Variants in FNDC3A observed in about 807,000 individuals in gnomAD.
FNDC3A encodes fibronectin type III domain containing 3A, also known as fibronectin type-III domain-containing protein 3A.
A neutral mutation model predicts 148.9 loss-of-function variants in FNDC3A; 32 were observed. That is an observed-to-expected ratio of 0.21 (90% CI 0.16 to 0.29). The LOEUF (loss-of-function observed/expected upper bound fraction) is 0.29. FNDC3A is among the 10% of genes least tolerant of loss of function. The pLI is 1.00. For synonymous variants in FNDC3A, 472 were observed against 473.6 expected (o/e 1.00, Z 0.04); for missense variants, 1,191 against 1,452.8 (o/e 0.82, Z 2.93).
At chr13:49,172,439 T>G (rs1418798578) in intron 11 of FNDC3A, among the ~76,000 whole-genome samples, 3 of 152,170 alleles carry the variant, frequency 2.0e-5, no homozygotes, top group Non-Finnish European at 4.4e-5. Context: ...TCTCTTACTT[T>G]TCTGGAGGCC....
intron 1 of FNDC3A, among the ~76,000 whole-genome samples, chr13:48,986,242 G>A (rs1280389665): frequency 6.6e-6 from 1 of 151,900 alleles, no homozygotes; most frequent in East Asian, 1.9e-4. Flanking sequence ...AATTTCGAAT[G>A]TAGTTTTTTT....
intron 2 of FNDC3A, among the ~76,000 whole-genome samples, chr13:49,006,530 T>C (rs1370173762): frequency 1.3e-5 from 2 of 152,048 alleles, no homozygotes; most frequent in Non-Finnish European, 2.9e-5. Flanking sequence ...CAAGTTGTTT[T>C]TGTTTTCCTT....
intron 3 of FNDC3A, among the ~76,000 whole-genome samples, chr13:49,106,408 G>A (rs1040792009): frequency 3.3e-5 from 5 of 152,024 alleles, no homozygotes; most frequent in African/African-American, 9.7e-5. Context: ...AGCTTCCTAG[G>A]CTCAAGCAAG....
In FNDC3A at chr13:49,071,053, C is replaced by G. The variant is rs1042184598; in HGVS notation, c.100-4236C>G. Among the ~76,000 whole-genome samples, 3 of 135,564 alleles carry G rather than the reference C, an allele frequency of 2.2e-5. 1 individual carries two copies. The highest frequency in any genetic ancestry group is 4.6e-5 in the Non-Finnish European group (3 of 64,776). 88.9% of individuals were successfully genotyped at this position (135,564 alleles called of 152,430 possible). A position where few individuals can be genotyped will look rare whatever the true frequency, so the allele number is the denominator to read the frequency against. ...AGCTGGAACTACAGGCATGTACCCCCATGCCGGCTTTTTTTTTTTTTTTTT... is the reference window on the plus strand; with the variant it reads ...AGCTGGAACTACAGGCATGTACCCCGATGCCGGCTTTTTTTTTTTTTTTTT... On this transcript the variant is annotated intron_variant, in intron 2 of 25. Transcript: ENST00000492622.
At chr13:49,140,984 A>G (rs1331710319) in intron 7 of FNDC3A, among the ~76,000 whole-genome samples, 2 of 152,220 alleles carry the variant, frequency 1.3e-5, no homozygotes, top group African/African-American at 4.8e-5. Context: ...ACTGAGCAGC[A>G]TTTGAAAAGC....
chr13:49,041,434 G>A (rs1033919546), intron 2 of FNDC3A, among the ~76,000 whole-genome samples: 5 of 152,172 alleles, frequency 3.3e-5, no homozygotes, highest in Non-Finnish European at 7.3e-5. Flanking sequence ...CTTAGTAACT[G>A]ATTGTTGAAT....
Position 49,059,462 on chromosome 13 carries a change from T to G in FNDC3A, c.100-15827T>G, listed in dbSNP as rs767777365. ...ATAGAAACTGTTTTGTTTTTGTTGT[T>G]TGTTTGTTTTGGGATGGAGCTCTCG... On this transcript the variant is annotated intron_variant, in intron 2 of 25. Coordinates refer to ENST00000492622, the MANE Select transcript of FNDC3A (RefSeq NM_001079673.2). Among the ~76,000 whole-genome samples the G allele has an allele frequency of 5.5e-4, 83 of 152,292 alleles. 1 individual carries two copies. The highest frequency in any genetic ancestry group is 9.1e-4 in the Non-Finnish European group (62 of 68,018).
At chr13:49,164,063 T>C (rs1176423612) in intron 8 of FNDC3A, among the ~76,000 whole-genome samples, 2 of 152,228 alleles carry the variant, frequency 1.3e-5, no homozygotes, top group Non-Finnish European at 2.9e-5. Context: ...CTTATAGAAC[T>C]GCTGTAGTCG....
intron 3 of FNDC3A, among the ~76,000 whole-genome samples, chr13:49,086,842 G>A (rs541791778): frequency 2.6e-5 from 4 of 152,024 alleles, no homozygotes; most frequent in African/African-American, 4.8e-5. Flanking sequence ...AATTAGAGTC[G>A]CTCAAAATAG....
At chr13:48,984,546 A>G (rs535311865) in intron 1 of FNDC3A, among the ~76,000 whole-genome samples, 26 of 152,256 alleles carry the variant, frequency 1.7e-4, no homozygotes, top group Non-Finnish European at 3.5e-4. Flanking sequence ...ATTGTATGAT[A>G]AATGAATGAG....
At chr13:48,998,738 G>C (rs536701388) in intron 1 of FNDC3A, among the ~76,000 whole-genome samples, 2 of 152,300 alleles carry the variant, frequency 1.3e-5, no homozygotes, top group African/African-American at 4.8e-5. Flanking sequence ...CCATATTACA[G>C]AAATGAGAAA....
Position 49,116,172 on chromosome 13 carries a change from C to T in FNDC3A, c.252+1441C>T, listed in dbSNP as rs537140640. Among the ~76,000 whole-genome samples the T allele has an allele frequency of 3.3e-5, 5 of 152,262 alleles. No homozygotes were observed. The South Asian group carries it at 8.3e-4, about 25-fold the overall frequency. On this transcript the variant is annotated intron_variant, in intron 4 of 25. Transcript: ENST00000492622. ...TTCGTTTTATTTTTTGTGGCAAACTCCTATCCTTTTCATTTCACTTCATCG... is the reference window on the plus strand; with the variant it reads ...TTCGTTTTATTTTTTGTGGCAAACTTCTATCCTTTTCATTTCACTTCATCG...
chr13:49,088,699 C>T (rs1878979750), intron 3 of FNDC3A, among the ~76,000 whole-genome samples: 1 of 152,062 alleles, frequency 6.6e-6, no homozygotes, highest in African/African-American at 2.4e-5. Context: ...TTTCCAACCG[C>T]ACTAGTACTT....
intron 2 of FNDC3A, among the ~76,000 whole-genome samples, chr13:49,072,233 A>G (rs1021094897): frequency 6.6e-6 from 1 of 152,148 alleles, no homozygotes; most frequent in Non-Finnish European, 1.5e-5. Flanking sequence ...CTTCTGCCTA[A>G]TAGAAAACCG....
At chr13:49,061,245 G>A (rs1876667994) in intron 2 of FNDC3A, among the ~76,000 whole-genome samples, 2 of 151,478 alleles carry the variant, frequency 1.3e-5, no homozygotes. Context: ...AAGTAGCTGA[G>A]ACTACAGGCT....
chr13:49,095,811 T>G (rs532321937), intron 3 of FNDC3A, among the ~76,000 whole-genome samples: 198 of 152,142 alleles, frequency 1.3e-3, no homozygotes, highest in Middle Eastern at 3.4e-3. Context: ...GAGATGAGGC[T>G]AGGATGTCCA....
At chr13:49,165,735 A>G (rs553844370) in intron 8 of FNDC3A, among the ~76,000 whole-genome samples, 2 of 152,228 alleles carry the variant, frequency 1.3e-5, no homozygotes, top group South Asian at 4.1e-4. Flanking sequence ...GGAAGCAGAT[A>G]TGGCTTCGGT....
At chr13:49,170,998 C>T (rs954543139) in intron 10 of FNDC3A, among the ~76,000 whole-genome samples, 3 of 152,140 alleles carry the variant, frequency 2.0e-5, no homozygotes, top group Non-Finnish European at 4.4e-5. Context: ...TCTTTGGATT[C>T]TCTTCCTCTA....
chr13:49,189,471 G>A lies in FNDC3A; in HGVS notation c.1944+838G>A, dbSNP rs149643599. Among the ~76,000 whole-genome samples, 353 of 151,782 alleles carry A rather than the reference G, an allele frequency of 2.3e-3. 6 individuals carry two copies. In the East Asian group the frequency reaches 0.047, roughly 20 times the overall value. On this transcript the variant is annotated intron_variant, in intron 17 of 25. Coordinates refer to ENST00000492622, the MANE Select transcript of FNDC3A (RefSeq NM_001079673.2). ...GCTGGGATTACAGGCATGAGCCACC[G>A]CACCCGGCCAAGTGATTTTTTTTTT... is the stretch of plus-strand genomic sequence containing the variant.
Sources: allele counts gnomAD v4.1 joint callset (sites outside exome capture counted in the v4.1 genomes callset), GRCh38; gene constraint gnomAD v4.1.1; transcripts MANE v1.5; gene names NCBI Gene and HGNC (gene_info 2026-07-23, HGNC 2026-07-21).